The following ZFHX3 variants were observed in gnomAD, a reference collection of about 807,000 sequenced individuals.
ZFHX3 encodes the protein zinc finger homeobox protein 3.
ZFHX3 carries 42 observed loss-of-function variants against 279.1 expected under a neutral mutation model. The observed-to-expected ratio is 0.15, with a 90% CI of 0.12 to 0.19. ZFHX3 has a LOEUF of 0.19. Among genes scored for constraint, ZFHX3 ranks in the 10% least tolerant of loss-of-function variants. The pLI is 1.00. For missense variants in ZFHX3, 4,981 were observed against 4,754.0 expected (o/e 1.05, Z -1.40); for synonymous variants, 2,293 against 1,957.8 (o/e 1.17, Z -4.52).
chr16:72,809,846 CTT>C (rs2036386740), intron 7 of ZFHX3: 1 of 149,706 alleles, frequency 6.7e-6, no homozygotes. Context: ...GAATAATTCT[CTT>C]TGGTGGTTTT....
At chr16:72,954,143 G>A (rs1189495286) in intron 2 of ZFHX3, among the ~76,000 whole-genome samples, 1 of 152,196 alleles carries the variant, frequency 6.6e-6, no homozygotes, top group Admixed American at 6.5e-5. Flanking sequence ...GCCAAGGTGG[G>A]CAGATCACCT....
chr16:73,204,626 C>A (rs1428956148), intron 5 of ZFHX3, among the ~76,000 whole-genome samples: 3 of 152,188 alleles, frequency 2.0e-5, no homozygotes, highest in African/African-American at 7.2e-5. Flanking sequence ...TGGTTCCTAA[C>A]AGGCCATGGA....
intron 1 of ZFHX3, among the ~76,000 whole-genome samples, chr16:73,024,329 G>A (rs1043314905): frequency 2.0e-5 from 3 of 152,134 alleles, no homozygotes; most frequent in Non-Finnish European, 4.4e-5. Flanking sequence ...GGCAGCAGAC[G>A]CCACTGAATT....
At chr16:73,751,719 G>A (rs1268595666) in intron 1 of ZFHX3, among the ~76,000 whole-genome samples, 1 of 152,108 alleles carries the variant, frequency 6.6e-6, no homozygotes. Flanking sequence ...TCATAAAGTA[G>A]GAGCTATTTT....
intron 1 of ZFHX3, among the ~76,000 whole-genome samples, chr16:73,761,251 T>A (rs1331162954): frequency 2.6e-5 from 4 of 151,048 alleles, no homozygotes; most frequent in African/African-American, 7.3e-5. Context: ...CAAAAAAAAA[T>A]AAAATACATA....
chr16:73,854,091 A>G (rs1379170643), intron 1 of ZFHX3, among the ~76,000 whole-genome samples: 1 of 152,242 alleles, frequency 6.6e-6, no homozygotes, highest in Non-Finnish European at 1.5e-5. Context: ...TACATATCTG[A>G]GTATATAAGT....
upstream of ZFHX3, chr16:73,048,192 C>CGGGGGGA (rs1965372168): frequency 6.6e-6 from 1 of 150,982 alleles, no homozygotes; most frequent in Non-Finnish European, 1.5e-5. Context: ...GGGCGGGGGG[C>CGGGGGGA]CTTCGGGGAT....
At chr16:73,741,697 C>T (rs541446532) in intron 1 of ZFHX3, among the ~76,000 whole-genome samples, 5 of 152,298 alleles carry the variant, frequency 3.3e-5, no homozygotes, top group African/African-American at 4.8e-5. Flanking sequence ...CATTTGTTTA[C>T]TTATCTCCAC....
chr16:72,946,359 G>C (rs1244369856), intron 3 of ZFHX3, among the ~76,000 whole-genome samples: 1 of 152,186 alleles, frequency 6.6e-6, no homozygotes, highest in Non-Finnish European at 1.5e-5. Flanking sequence ...CAGTATTTAA[G>C]ATTAACAGGT....
chr16:73,842,216 CA>C (rs368573053), intron 1 of ZFHX3, among the ~76,000 whole-genome samples: 66 of 138,036 alleles, frequency 4.8e-4, no homozygotes, highest in Admixed American at 1.5e-3. Context: ...AACTCCATCT[CA>C]AAAAAAAAAA....
At chr16:73,399,861 T>C (rs1280559902) in intron 3 of ZFHX3, among the ~76,000 whole-genome samples, 1 of 151,120 alleles carries the variant, frequency 6.6e-6, no homozygotes, top group African/African-American at 2.4e-5. Flanking sequence ...TGTGTGTGTG[T>C]GTGTCTAGAT....
chr16:72,980,884 A>G (rs777561034), intron 1 of ZFHX3, among the ~76,000 whole-genome samples: 13 of 152,230 alleles, frequency 8.5e-5, no homozygotes, highest in Non-Finnish European at 1.3e-4. Flanking sequence ...CCAAAAGTTC[A>G]TTGTTAAGTC....
At chr16:73,459,817 T>C (rs1238974113) in intron 2 of ZFHX3, among the ~76,000 whole-genome samples, 1 of 151,906 alleles carries the variant, frequency 6.6e-6, no homozygotes, top group Non-Finnish European at 1.5e-5. Flanking sequence ...AAGAGCCCCT[T>C]ACAAAACCAT....
chr16:72,919,731 T>C (rs2039534021), intron 3 of ZFHX3, among the ~76,000 whole-genome samples: 1 of 150,762 alleles, frequency 6.6e-6, no homozygotes, highest in Non-Finnish European at 1.5e-5. Flanking sequence ...TTTTATACTA[T>C]GTTGAGAGAG....
intron 1 of ZFHX3, among the ~76,000 whole-genome samples, chr16:73,848,095 G>GA (rs1961498447): frequency 6.6e-6 from 1 of 151,772 alleles, no homozygotes; most frequent in Non-Finnish European, 1.5e-5. Flanking sequence ...AGGCCCACCG[G>GA]AAGAGTAAAC....
chr16:73,056,562 AAAC>A (rs935754277), intron 1 of ZFHX3, among the ~76,000 whole-genome samples: 4 of 152,118 alleles, frequency 2.6e-5, no homozygotes, highest in Non-Finnish European at 5.9e-5. Flanking sequence ...TTGGAAAAAA[AAAC>A]AACTTCAGCA....
intron 5 of ZFHX3, among the ~76,000 whole-genome samples, chr16:73,225,820 C>T (rs1036838600): frequency 4.6e-5 from 7 of 152,036 alleles, no homozygotes; most frequent in Non-Finnish European, 1.0e-4. Context: ...TGTCTGTGGG[C>T]TCCTTAAGCA....
chr16:72,927,506 C>T (rs544316784), intron 3 of ZFHX3, among the ~76,000 whole-genome samples: 62 of 152,228 alleles, frequency 4.1e-4, no homozygotes, highest in Non-Finnish European at 6.5e-4. Flanking sequence ...TGACATCACA[C>T]CTCACAAAAG....
intron 4 of ZFHX3, among the ~76,000 whole-genome samples, chr16:73,312,820 T>C (rs1567447524): frequency 6.6e-6 from 1 of 152,216 alleles, no homozygotes; most frequent in African/African-American, 2.4e-5. Flanking sequence ...CCAATAATAG[T>C]AATAGTAATC....
Sources: gnomAD v4.1 joint callset for allele counts (sites outside exome capture counted in the v4.1 genomes callset) on GRCh38, gnomAD v4.1.1 for gene constraint, MANE v1.5 for transcripts, NCBI Gene and HGNC (gene_info 2026-07-23, HGNC 2026-07-21) for gene names.